Variants in DYNC2H1 observed in about 807,000 individuals in gnomAD.
DYNC2H1 encodes dynein cytoplasmic 2 heavy chain 1, also known as cytoplasmic dynein 2 heavy chain 1.
Under a neutral mutation model 570.0 loss-of-function variants are expected in DYNC2H1, and 410 were observed. That is an observed-to-expected ratio of 0.72 (90% CI 0.66 to 0.78). The LOEUF (loss-of-function observed/expected upper bound fraction) is 0.78. Ranked by LOEUF, DYNC2H1 falls within the 30% of genes least tolerant of loss-of-function variation. DYNC2H1 has a pLI of 0.00. For missense variants in DYNC2H1, 4,865 were observed against 5,046.4 expected (o/e 0.96, Z 1.09); for synonymous variants, 1,688 against 1,677.6 (o/e 1.01, Z -0.15).
chr11:103,188,387 A>G, intron 43 of DYNC2H1, 110 bp from the exon 44 acceptor site: 1 of 745,552 alleles, frequency 1.3e-6, no homozygotes, highest in Non-Finnish European at 2.1e-6. Flanking sequence ...CTTGAGTTAG[A>G]TAGATGATGA....
chr11:103,429,366 TTTA>T (rs1943805429), intron 84 of DYNC2H1, among the ~76,000 whole-genome samples: 1 of 152,094 alleles, frequency 6.6e-6, no homozygotes, highest in East Asian at 1.9e-4. Flanking sequence ...CAAAAAATGA[TTTA>T]TGTTTTAAAA....
rs1938055701 is a variant in DYNC2H1, at chr11:103,319,608, T to C, written c.11726-1421T>C. ...TTATTGCTATTGTTGTAATTTAAGT[T>C]CTATTCATTTTATTTTATCCTGAAC... is the stretch of plus-strand genomic sequence containing the variant. On this transcript the variant is annotated intron_variant, in intron 80 of 88. Transcript: ENST00000375735. The surrounding 1 kb of genome is among the most constrained non-coding windows in gnomAD (Gnocchi z 4.3). Among the ~76,000 whole-genome samples the C allele has an allele frequency of 6.6e-6, 1 of 152,192 alleles. No individual in the cohort carries two copies. The highest frequency in any genetic ancestry group is 1.5e-5 in the Non-Finnish European group (1 of 68,012).
chr11:103,185,197 G>T lies in DYNC2H1; in HGVS notation c.6633+146G>T. On this transcript the variant is annotated intron_variant, in intron 41 of 88. Coordinates refer to ENST00000375735, the MANE Select transcript of DYNC2H1 (RefSeq NM_001377.3). This position sits in a 1 kb window ranked among gnomAD's most constrained non-coding sequence, Gnocchi z 4.5. ...TTCAATTGAGTAATAATGTATTTATGTATGTGTATTTATATTTTCTCCTTT... is the reference window on the plus strand; with the variant it reads ...TTCAATTGAGTAATAATGTATTTATTTATGTGTATTTATATTTTCTCCTTT... 1.7e-6 allele frequency: 1 copy of T among 571,774 alleles called. No homozygotes were observed. The highest frequency in any genetic ancestry group is 2.8e-6 in the Non-Finnish European group (1 of 355,636). 35.4% of individuals were successfully genotyped at this position (571,774 alleles called of 1,614,324 possible). A position where few individuals can be genotyped will look rare whatever the true frequency, so the allele number is the denominator to read the frequency against.
At chr11:103,168,090 G>C (rs552783449) in intron 31 of DYNC2H1, among the ~76,000 whole-genome samples, 1 of 152,160 alleles carries the variant, frequency 6.6e-6, no homozygotes, top group Non-Finnish European at 1.5e-5. Flanking sequence ...TGGCCAGAAA[G>C]CTGGGGTTCA....
At chr11:103,265,563 A>G (rs1306774914) in intron 70 of DYNC2H1, among the ~76,000 whole-genome samples, 1 of 152,116 alleles carries the variant, frequency 6.6e-6, no homozygotes, top group Non-Finnish European at 1.5e-5. Context: ...TTGTTTTATC[A>G]TGATTTTTAG....
chr11:103,205,748 G>A lies in DYNC2H1; in HGVS notation c.8454+784G>A, dbSNP rs543010026. Among the ~76,000 whole-genome samples, 19 of 152,236 alleles carry A rather than the reference G, an allele frequency of 1.2e-4. 1 individual carries two copies. Among genetic ancestry groups the A allele is most frequent in the Admixed American group, 8.5e-4 (13 of 15,272 alleles). On this transcript the variant is annotated intron_variant, in intron 52 of 88. Transcript: ENST00000375735. This position sits in a 1 kb window ranked among gnomAD's most constrained non-coding sequence, Gnocchi z 4.5. ...CATTCTTCTCAGGTATATCTGCGGG[G>A]AAAGCTTTCTAGGTGAAGATCCTGG...
chr11:103,206,528 G>C (rs1423472561), intron 52 of DYNC2H1, among the ~76,000 whole-genome samples: 2 of 152,090 alleles, frequency 1.3e-5, no homozygotes, highest in Admixed American at 6.6e-5. Flanking sequence ...AGCAATCCAA[G>C]ACTGAACCCT....
intron 84 of DYNC2H1, 50 bp downstream of exon 84, chr11:103,399,922 T>C (rs1379477620): frequency 3.4e-6 from 5 of 1,450,232 alleles, no homozygotes. Context: ...TATAAGTGAC[T>C]CCTCCATCAC....
intron 36 of DYNC2H1, among the ~76,000 whole-genome samples, chr11:103,174,463 A>G (rs1428768637): frequency 6.6e-6 from 1 of 152,138 alleles, no homozygotes; most frequent in Non-Finnish European, 1.5e-5. Context: ...AAATAGTTGT[A>G]ATATGTAAAG....
At chr11:103,223,248 A>G (rs1863661143) in intron 59 of DYNC2H1, among the ~76,000 whole-genome samples, 162 bp downstream of exon 59, 1 of 151,042 alleles carries the variant, frequency 6.6e-6, no homozygotes, top group African/African-American at 2.4e-5. Context: ...AAAACAGATC[A>G]AAAAAAGAAA....
At chr11:103,159,516 A>G (rs771783612) in intron 28 of DYNC2H1, among the ~76,000 whole-genome samples, 3 of 152,156 alleles carry the variant, frequency 2.0e-5, no homozygotes, top group Non-Finnish European at 2.9e-5. Context: ...GGAGTCATCC[A>G]TATAGAAATA....
At chr11:103,149,483 A>G (rs1481738507) in intron 20 of DYNC2H1, among the ~76,000 whole-genome samples, 1 of 152,220 alleles carries the variant, frequency 6.6e-6, no homozygotes, top group Non-Finnish European at 1.5e-5. Flanking sequence ...TTAAAATTAT[A>G]AAGAGAGATT....
chr11:103,231,989 C>T (rs1438167423), intron 60 of DYNC2H1, among the ~76,000 whole-genome samples: 1 of 151,502 alleles, frequency 6.6e-6, no homozygotes, highest in Non-Finnish European at 1.5e-5. Flanking sequence ...ACCAATAAAC[C>T]CAGTGTTTTC....
intron 60 of DYNC2H1, among the ~76,000 whole-genome samples, chr11:103,233,433 T>G (rs1028452373): frequency 2.6e-5 from 4 of 151,964 alleles, no homozygotes; most frequent in African/African-American, 9.7e-5. Flanking sequence ...GGAAAATAAT[T>G]TAAAAAGAAA....
intron 82 of DYNC2H1, among the ~76,000 whole-genome samples, chr11:103,357,359 C>A (rs1940399504): frequency 6.6e-6 from 1 of 151,990 alleles, no homozygotes; most frequent in African/African-American, 2.4e-5. Flanking sequence ...TTGATTGACC[C>A]ATACTTTTTT....
Position 103,185,018 on chromosome 11 carries a change from G to C in DYNC2H1, c.6600G>C (p.Leu2200=), listed in dbSNP as rs1186608659. 6.2e-7 allele frequency: 1 copy of C among 1,609,462 alleles called. No homozygotes were observed. Among genetic ancestry groups the C allele is most frequent in the East Asian group, 2.2e-5 (1 of 44,678 alleles). The part of the protein sequence containing the change: ...INLIRGLGGN[L]NMKSRLEFTK... ...TCATAAGGGGACTTGGTGGAAATCTGAATATGAAGTCACGTTTGGAATTTA... is the reference window on the plus strand; with the variant it reads ...TCATAAGGGGACTTGGTGGAAATCTCAATATGAAGTCACGTTTGGAATTTA... The change falls in exon 41 of 89, where the codon CTG becomes CTC. Residue 2200 remains leucine (L), a synonymous_variant. Transcript: ENST00000375735. The surrounding 1 kb of genome is among the most constrained non-coding windows in gnomAD (Gnocchi z 4.5).
chr11:103,251,446 A>G (rs577327190), intron 65 of DYNC2H1, among the ~76,000 whole-genome samples: 1 of 152,156 alleles, frequency 6.6e-6, no homozygotes. Context: ...TTACAGCATT[A>G]TATTATGAGA....
chr11:103,407,832 A>G (rs1327662192), intron 84 of DYNC2H1: 1 of 152,054 alleles, frequency 6.6e-6, no homozygotes, highest in African/African-American at 2.4e-5. Flanking sequence ...GATAAATCAG[A>G]TTATGGCTAG....
intron 84 of DYNC2H1, among the ~76,000 whole-genome samples, chr11:103,417,427 C>T (rs1943326476): frequency 6.6e-6 from 1 of 152,096 alleles, no homozygotes; most frequent in Non-Finnish European, 1.5e-5. Flanking sequence ...AAAAAGCCAA[C>T]AAAGACATTA....
Sources: gnomAD v4.1 joint callset for allele counts (sites outside exome capture counted in the v4.1 genomes callset) on GRCh38, gnomAD v4.1.1 for gene constraint, Gnocchi (gnomAD v3.1) non-coding constraint, MANE v1.5 for transcripts, NCBI Gene and HGNC (gene_info 2026-07-23, HGNC 2026-07-21) for gene names.